The following VTI1A variants were observed in gnomAD, a reference collection of about 807,000 sequenced individuals.
The protein encoded by VTI1A is vesicle transport through interaction with t-SNAREs homolog 1A.
In VTI1A, 22 loss-of-function variants were observed where a neutral mutation model predicts 34.9. The observed-to-expected ratio is 0.63, with a 90% CI of 0.45 to 0.90. The LOEUF (loss-of-function observed/expected upper bound fraction) is 0.90. Among genes scored for constraint, VTI1A ranks in the 40% least tolerant of loss-of-function variants. The pLI is 0.00. For missense variants in VTI1A, 268 were observed against 275.6 expected (o/e 0.97, Z 0.20); for synonymous variants, 87 against 97.3 (o/e 0.89, Z 0.62).
At chr10:112,469,980 G>T (rs1481602603) in intron 3 of VTI1A, among the ~76,000 whole-genome samples, 1 of 152,166 alleles carries the variant, frequency 6.6e-6, no homozygotes, top group Non-Finnish European at 1.5e-5. Flanking sequence ...CTGCAATTGG[G>T]AAAGTGCCTC....
chr10:112,540,193 T>C (rs1000346584), intron 5 of VTI1A, among the ~76,000 whole-genome samples: 1 of 152,192 alleles, frequency 6.6e-6, no homozygotes, highest in Non-Finnish European at 1.5e-5. Context: ...AGATCGCAGA[T>C]ACCAAAAGAC....
chr10:112,752,377 T>C (rs1257581574), intron 7 of VTI1A: 1 of 985,292 alleles, frequency 1.0e-6, no homozygotes, highest in Non-Finnish European at 1.2e-6. Context: ...GATTACATTA[T>C]CGACTAGTCT....
chr10:112,530,817 T>G (rs760136075), intron 4 of VTI1A, among the ~76,000 whole-genome samples: 1 of 152,080 alleles, frequency 6.6e-6, no homozygotes, highest in African/African-American at 2.4e-5. Context: ...TCGGTATCAT[T>G]TCATATAGCC....
chr10:112,668,398 A>C, intron 6 of VTI1A, 110 bp downstream of exon 6: 2 of 1,158,144 alleles, frequency 1.7e-6, no homozygotes, highest in Non-Finnish European at 2.5e-6. Context: ...TGTAAGGTGA[A>C]AGAGGGTATA....
At chr10:112,841,846 C>T in the VTI1A span, among the ~76,000 whole-genome samples, 1 of 152,140 alleles carries the variant, frequency 6.6e-6, no homozygotes, top group East Asian at 1.9e-4. Flanking sequence ...TTCTATCGCT[C>T]CGCAATAGTC....
chr10:112,520,244 A>T (rs770422216), intron 3 of VTI1A, among the ~76,000 whole-genome samples: 53 of 152,056 alleles, frequency 3.5e-4, no homozygotes, highest in Non-Finnish European at 6.0e-4. Flanking sequence ...TTCTATCATG[A>T]GCTGATTTTC....
chr10:112,649,968 G>C (rs1462113300), intron 5 of VTI1A, among the ~76,000 whole-genome samples: 1 of 152,176 alleles, frequency 6.6e-6, no homozygotes, highest in Non-Finnish European at 1.5e-5. Context: ...AGATTGTAAA[G>C]GGCGAGGATA....
At position 112,705,773 on chromosome 10, in the gene VTI1A, G is replaced by T. The variant is rs74772354; in HGVS notation, c.560+36775G>T. On this transcript the variant is annotated intron_variant, in intron 7 of 7. Transcript: ENST00000393077. The stretch of plus-strand genomic sequence containing the variant: ...TACTCCCAGAGATGCATAAAGGAGG[G>T]GTTCTCAAATTGTATTCCAAGGAAC... 5.2e-3 allele frequency among the ~76,000 whole-genome samples: 796 copies of T among 152,234 alleles called. 14 individuals are homozygous for T. Among genetic ancestry groups the T allele is most frequent in the African/African-American group, 0.018 (766 of 41,530 alleles).
At chr10:112,696,829 G>A (rs554555659) in intron 7 of VTI1A, among the ~76,000 whole-genome samples, 11 of 152,228 alleles carry the variant, frequency 7.2e-5, no homozygotes, top group East Asian at 5.8e-4. Context: ...ACTGAGCTGC[G>A]TGAAGAAATC....
chr10:112,736,109 G>GTATATATATATA (rs1181090787), intron 7 of VTI1A, among the ~76,000 whole-genome samples: 3,984 of 115,990 alleles, frequency 0.034, 97 homozygotes, highest in African/African-American at 0.043. Flanking sequence ...ATATGTGTGT[G>GTATATATATATA]TGTATATATA....
At chr10:112,551,140 A>T (rs1297073791) in intron 5 of VTI1A, among the ~76,000 whole-genome samples, 1 of 147,206 alleles carries the variant, frequency 6.8e-6, no homozygotes, top group African/African-American at 2.5e-5. Flanking sequence ...GCTACTCCGG[A>T]GGCTGAGGCA....
At chr10:112,601,674 T>C (rs1008006739) in intron 5 of VTI1A, among the ~76,000 whole-genome samples, 5 of 152,156 alleles carry the variant, frequency 3.3e-5, no homozygotes, top group Non-Finnish European at 5.9e-5. Context: ...TACGAATTCA[T>C]CTCATTCCAT....
At chr10:112,479,117 A>G (rs1411496195) in intron 3 of VTI1A, among the ~76,000 whole-genome samples, 6 of 152,186 alleles carry the variant, frequency 3.9e-5, no homozygotes, top group Non-Finnish European at 5.9e-5. Flanking sequence ...CAGTGAGCCA[A>G]GATTGCGCCA....
At chr10:112,496,092 T>G (rs1480097618) in intron 3 of VTI1A, among the ~76,000 whole-genome samples, 2 of 145,316 alleles carry the variant, frequency 1.4e-5, no homozygotes, top group South Asian at 2.2e-4. Flanking sequence ...GTGCGATGGC[T>G]CACGCCTGTA....
intron 5 of VTI1A, among the ~76,000 whole-genome samples, chr10:112,595,651 G>C (rs1844605093): frequency 6.6e-6 from 1 of 151,834 alleles, no homozygotes; most frequent in Non-Finnish European, 1.5e-5. Context: ...TCATTAAAAA[G>C]TCAGGAAACA....
chr10:112,644,450 C>T (rs1337091258), intron 5 of VTI1A, among the ~76,000 whole-genome samples: 1 of 152,142 alleles, frequency 6.6e-6, no homozygotes, highest in African/African-American at 2.4e-5. Flanking sequence ...ATAAAGACTA[C>T]CGGTGGACTC....
intron 3 of VTI1A, among the ~76,000 whole-genome samples, chr10:112,489,682 T>C (rs1848756437): frequency 6.6e-6 from 1 of 152,164 alleles, no homozygotes; most frequent in African/African-American, 2.4e-5. Context: ...GGAAATGTCA[T>C]TGTCAGATGA....
chr10:112,811,712 A>AAAGAT lies in VTI1A; in HGVS notation c.561-3578_561-3577insAAGAT, dbSNP rs67154330. Among the ~76,000 whole-genome samples the AAAGAT allele has an allele frequency of 1.8e-3, 148 of 84,036 alleles. 40 individuals carry two copies. The highest frequency in any genetic ancestry group is 2.6e-3 in the African/African-American group (54 of 21,070). 55.1% of individuals were successfully genotyped at this position (84,036 alleles called of 152,430 possible). Reference sequence around the variant, plus strand: ...AAAAAAAAAAAAAAAAAAAAAAAAAAGAGTGCAGTCCATGCCTGGAAGTAG... The same window carrying AAAGAT: ...AAAAAAAAAAAAAAAAAAAAAAAAAAAAGATGAGTGCAGTCCATGCCTGGAAGTAG... On this transcript the variant is annotated intron_variant, in intron 7 of 7. Transcript: ENST00000393077.
At chr10:112,792,677 G>A (rs540701030) in intron 7 of VTI1A, among the ~76,000 whole-genome samples, 3 of 152,312 alleles carry the variant, frequency 2.0e-5, no homozygotes, top group Non-Finnish European at 2.9e-5. Flanking sequence ...TACTACTGAA[G>A]TGGTATTGCC....
Sources: gnomAD v4.1 joint callset for allele counts (sites outside exome capture counted in the v4.1 genomes callset) on GRCh38, gnomAD v4.1.1 for gene constraint, MANE v1.5 for transcripts, NCBI Gene and HGNC (gene_info 2026-07-23, HGNC 2026-07-21) for gene names.